Variants in EPB41L2 observed in about 807,000 individuals in gnomAD.
EPB41L2 encodes the protein erythrocyte membrane protein band 4.1 like 2, also known as band 4.1-like protein 2.
In EPB41L2, 43 loss-of-function variants were observed where a neutral mutation model predicts 113.0. The ratio of observed to expected loss-of-function variants is 0.38; its 90% CI spans 0.30 to 0.49. EPB41L2 has a LOEUF of 0.49. Ranked by LOEUF, EPB41L2 falls within the 20% of genes least tolerant of loss-of-function variation. The probability of loss-of-function intolerance (pLI) is 0.95; values close to 1 mark genes in which losing one functional copy is unlikely to be tolerated. For missense variants in EPB41L2, 1,147 were observed against 1,223.4 expected (o/e 0.94, Z 0.93); for synonymous variants, 442 against 436.7 (o/e 1.01, Z -0.15).
chr6:130,866,354 A>G (rs1386395355), intron 16 of EPB41L2, among the ~76,000 whole-genome samples: 1 of 152,260 alleles, frequency 6.6e-6, no homozygotes, highest in Non-Finnish European at 1.5e-5. Context: ...TTATGTTAAG[A>G]TCACGAAACA....
At chr6:130,875,938 T>A (rs1235285731) in intron 14 of EPB41L2, among the ~76,000 whole-genome samples, 1 of 147,558 alleles carries the variant, frequency 6.8e-6, no homozygotes, top group Non-Finnish European at 1.5e-5. Flanking sequence ...TGAGCCAAGA[T>A]CATGCCATTG....
intron 19 of EPB41L2, among the ~76,000 whole-genome samples, chr6:130,853,819 C>T (rs139344463): frequency 8.2e-4 from 125 of 152,300 alleles, no homozygotes; most frequent in Non-Finnish European, 1.3e-3. Flanking sequence ...AGACAGTTCC[C>T]CTTCTTTTTT....
intron 3 of EPB41L2, among the ~76,000 whole-genome samples, chr6:130,936,011 C>T (rs1408907860): frequency 6.6e-6 from 1 of 152,086 alleles, no homozygotes; most frequent in Non-Finnish European, 1.5e-5. Context: ...ATGTAAATAC[C>T]CACAAATTTT....
At chr6:130,992,771 C>T (rs1239786193) in intron 1 of EPB41L2, among the ~76,000 whole-genome samples, 1 of 151,940 alleles carries the variant, frequency 6.6e-6, no homozygotes, top group East Asian at 1.9e-4. Flanking sequence ...GCTGGCACTA[C>T]AGGGCCACCA....
intron 18 of EPB41L2, among the ~76,000 whole-genome samples, chr6:130,860,104 G>C (rs929369111): frequency 6.6e-6 from 1 of 152,200 alleles, no homozygotes; most frequent in African/African-American, 2.4e-5. Flanking sequence ...TGTCTTCAGA[G>C]GGAAGGAGAT....
chr6:130,934,609 A>G (rs1390883612), intron 3 of EPB41L2, among the ~76,000 whole-genome samples: 1 of 152,018 alleles, frequency 6.6e-6, no homozygotes, highest in Non-Finnish European at 1.5e-5. Context: ...AGTATCTGAG[A>G]CTACAGGTGC....
At chr6:130,893,212 C>T (rs560956670) in intron 10 of EPB41L2, among the ~76,000 whole-genome samples, 1 of 151,990 alleles carries the variant, frequency 6.6e-6, no homozygotes, top group Non-Finnish European at 1.5e-5. Context: ...TATTTATTGG[C>T]CAAAGAACCT....
intron 3 of EPB41L2, among the ~76,000 whole-genome samples, chr6:130,947,780 A>C (rs1430584412): frequency 6.6e-6 from 1 of 152,216 alleles, no homozygotes; most frequent in Non-Finnish European, 1.5e-5. Context: ...AACAGACCCA[A>C]ACTAATGATA....
intron 1 of EPB41L2, among the ~76,000 whole-genome samples, chr6:131,011,665 T>C (rs1289353603): frequency 6.6e-6 from 1 of 152,226 alleles, no homozygotes; most frequent in Non-Finnish European, 1.5e-5. Flanking sequence ...ATATCTTTGA[T>C]GGGTATTCCT....
At chr6:130,874,211 G>C (rs1352089809) in intron 14 of EPB41L2, among the ~76,000 whole-genome samples, 1 of 151,268 alleles carries the variant, frequency 6.6e-6, no homozygotes, top group Non-Finnish European at 1.5e-5. Flanking sequence ...CCAATTTTCT[G>C]CTCTACTCTC....
At chr6:130,868,890 G>GAGA (rs1784758593) in intron 15 of EPB41L2, 1 of 152,330 alleles carries the variant, frequency 6.6e-6, no homozygotes, top group Non-Finnish European at 1.5e-5. Context: ...AGGATAGAAT[G>GAGA]AGAAGCGAGG....
chr6:130,947,357 A>C (rs749847267), intron 3 of EPB41L2, among the ~76,000 whole-genome samples: 1 of 152,184 alleles, frequency 6.6e-6, no homozygotes, highest in Non-Finnish European at 1.5e-5. Flanking sequence ...ATGTTATATC[A>C]AGGTTTAATT....
chr6:130,910,889 G>A (rs1288438080), intron 4 of EPB41L2, among the ~76,000 whole-genome samples: 2 of 152,206 alleles, frequency 1.3e-5, no homozygotes, highest in Non-Finnish European at 2.9e-5. Flanking sequence ...ATGCTGGAGA[G>A]GATGTGGAGA....
intron 1 of EPB41L2, among the ~76,000 whole-genome samples, chr6:130,992,891 T>C (rs1351909034): frequency 6.6e-6 from 1 of 152,190 alleles, no homozygotes; most frequent in Non-Finnish European, 1.5e-5. Flanking sequence ...CCCAAAGTGC[T>C]GGGATTACAG....
At chr6:130,844,598 C>T (rs1416119899) in intron 19 of EPB41L2, among the ~76,000 whole-genome samples, 4 of 151,882 alleles carry the variant, frequency 2.6e-5, no homozygotes, top group Non-Finnish European at 5.9e-5. Context: ...CAAAAATGAA[C>T]TCTGTGCACT....
chr6:131,050,754 C>T (rs981572996), intron 1 of EPB41L2, among the ~76,000 whole-genome samples: 19 of 152,220 alleles, frequency 1.2e-4, no homozygotes, highest in African/African-American at 3.9e-4. Flanking sequence ...CATATTCAAA[C>T]AATATTCTTT....
intron 1 of EPB41L2, among the ~76,000 whole-genome samples, chr6:131,051,219 A>G (rs537871143): frequency 6.6e-6 from 1 of 152,110 alleles, no homozygotes; most frequent in African/African-American, 2.4e-5. Context: ...CTCCCTCTAT[A>G]TAAATGAAGT....
At chr6:130,920,410 C>T (rs999538185) in intron 4 of EPB41L2, among the ~76,000 whole-genome samples, 4 of 152,176 alleles carry the variant, frequency 2.6e-5, no homozygotes, top group Non-Finnish European at 4.4e-5. Context: ...GGTTTACATC[C>T]TCTAGTATCA....
chr6:130,961,825 T>G (rs947723008), intron 1 of EPB41L2, among the ~76,000 whole-genome samples: 21 of 152,270 alleles, frequency 1.4e-4, no homozygotes, highest in African/African-American at 4.6e-4. Context: ...GGATCCAAGA[T>G]TCACAAAATG....
Sources: gnomAD v4.1 joint callset for allele counts (sites outside exome capture counted in the v4.1 genomes callset) on GRCh38, gnomAD v4.1.1 for gene constraint, MANE v1.5 for transcripts, NCBI Gene and HGNC (gene_info 2026-07-23, HGNC 2026-07-21) for gene names.